KIAA1217: variants seen among roughly 807,000 people sequenced by gnomAD.
KIAA1217 encodes the protein KIAA1217.
KIAA1217 carries 88 observed loss-of-function variants against 163.9 expected under a neutral mutation model. That is an observed-to-expected ratio of 0.54 (90% CI 0.45 to 0.64). The LOEUF (loss-of-function observed/expected upper bound fraction) is 0.64, where lower values mean the gene tolerates loss of function less well. Ranked by LOEUF, KIAA1217 falls within the 30% of genes least tolerant of loss-of-function variation. The pLI, the probability that KIAA1217 is intolerant of heterozygous loss-of-function variation, is 0.00. For missense variants in KIAA1217, 2,372 were observed against 2,475.0 expected (o/e 0.96, Z 0.88); for synonymous variants, 903 against 923.1 (o/e 0.98, Z 0.39).
intron 1 of KIAA1217, among the ~76,000 whole-genome samples, chr10:23,802,853 A>G (rs1021031590): frequency 1.3e-5 from 2 of 152,186 alleles, no homozygotes; most frequent in Non-Finnish European, 2.9e-5. Flanking sequence ...GAGTAAGCAT[A>G]GTAACCATGA....
intron 3 of KIAA1217, among the ~76,000 whole-genome samples, chr10:24,403,908 A>G (rs2056864360): frequency 6.6e-6 from 1 of 152,206 alleles, no homozygotes; most frequent in South Asian, 2.1e-4. Context: ...TGCTGGTGGA[A>G]ATGTAAAATG....
At chr10:23,806,316 G>T (rs970724809) in intron 1 of KIAA1217, among the ~76,000 whole-genome samples, 1 of 152,076 alleles carries the variant, frequency 6.6e-6, no homozygotes, top group African/African-American at 2.4e-5. Flanking sequence ...AAAAGTGACG[G>T]ATTAACAAAT....
chr10:23,966,334 T>G (rs1845065838), intron 1 of KIAA1217, among the ~76,000 whole-genome samples: 1 of 151,986 alleles, frequency 6.6e-6, no homozygotes, highest in African/African-American at 2.4e-5. Flanking sequence ...AAAATGGGCG[T>G]GGGGGTAATG....
At chr10:23,899,911 CCT>C (rs1491300323) in intron 1 of KIAA1217, among the ~76,000 whole-genome samples, 1 of 150,996 alleles carries the variant, frequency 6.6e-6, no homozygotes, top group African/African-American at 2.4e-5. Flanking sequence ...TCTTTCTTTC[CCT>C]CTTTCTTTTC....
intron 3 of KIAA1217, among the ~76,000 whole-genome samples, chr10:24,384,825 C>T (rs2053799682): frequency 6.6e-6 from 1 of 152,200 alleles, no homozygotes; most frequent in African/African-American, 2.4e-5. Context: ...CGTGAGCCAC[C>T]ACACCCACCT....
At chr10:24,520,374 G>A (rs1432584011) in intron 11 of KIAA1217, 121 bp downstream of exon 11, 8 of 1,381,556 alleles carry the variant, frequency 5.8e-6, no homozygotes, top group African/African-American at 5.8e-5. Flanking sequence ...ACATGTGCCA[G>A]GCATTGTTCT....
At chr10:24,152,329 T>C (rs764427982) in intron 2 of KIAA1217, among the ~76,000 whole-genome samples, 1 of 152,214 alleles carries the variant, frequency 6.6e-6, no homozygotes, top group African/African-American at 2.4e-5. Context: ...GTAGTAAATA[T>C]CCACAGATAC....
rs1010511791 is a variant in KIAA1217, at chr10:24,476,958, C to T, written c.1679+2898C>T. Among the ~76,000 whole-genome samples, 7 of 152,258 alleles carry T rather than the reference C, an allele frequency of 4.6e-5. 1 individual carries two copies. The highest frequency in any genetic ancestry group is 4.2e-4 in the South Asian group (2 of 4,812). On this transcript the variant is annotated intron_variant, in intron 6 of 20. Coordinates refer to ENST00000376454, the MANE Select transcript of KIAA1217 (RefSeq NM_019590.5). ...ATTGCTGAAAGACCTAAACACTCCCCGCTAACTCCCCTCAGTCACATGTCA... is the reference window on the plus strand; with the variant it reads ...ATTGCTGAAAGACCTAAACACTCCCTGCTAACTCCCCTCAGTCACATGTCA...
intron 1 of KIAA1217, among the ~76,000 whole-genome samples, chr10:23,959,674 A>G (rs1485699944): frequency 6.6e-6 from 1 of 152,164 alleles, no homozygotes; most frequent in African/African-American, 2.4e-5. Flanking sequence ...TTTGATGAAG[A>G]GTGGACAGTC....
At chr10:24,052,845 T>A (rs563408150) in intron 2 of KIAA1217, among the ~76,000 whole-genome samples, 18 of 152,240 alleles carry the variant, frequency 1.2e-4, no homozygotes, top group African/African-American at 3.8e-4. Flanking sequence ...AGGAGCAAAT[T>A]ATCACGAGCC....
chr10:24,404,371 C>A (rs7081339), intron 3 of KIAA1217, among the ~76,000 whole-genome samples: 105,651 of 151,622 alleles, frequency 0.7, 37,191 homozygotes, highest in African/African-American at 0.76. Flanking sequence ...GATGGAGACC[C>A]TCCTGGCCAA....
At chr10:24,305,502 A>G (rs966772218) in intron 2 of KIAA1217, among the ~76,000 whole-genome samples, 1 of 152,116 alleles carries the variant, frequency 6.6e-6, no homozygotes, top group Non-Finnish European at 1.5e-5. Flanking sequence ...TTATTTCCTC[A>G]GTGGTTAGTT....
intron 2 of KIAA1217, among the ~76,000 whole-genome samples, chr10:24,186,771 T>A (rs2066452162): frequency 6.6e-6 from 1 of 152,094 alleles, no homozygotes; most frequent in Non-Finnish European, 1.5e-5. Context: ...GTGCCTGTAA[T>A]CCCAGCTATC....
chr10:23,969,658 T>C (rs1845220921), intron 1 of KIAA1217, among the ~76,000 whole-genome samples: 1 of 152,226 alleles, frequency 6.6e-6, no homozygotes, highest in Non-Finnish European at 1.5e-5. Flanking sequence ...CTGTAAGAGT[T>C]CTTTATATAT....
Position 24,528,321 on chromosome 10 carries a change from T to C in KIAA1217, c.3082+202T>C, listed in dbSNP as rs201866182. On this transcript the variant is annotated intron_variant, in intron 14 of 20. Transcript: ENST00000376454. Reference sequence around the variant, plus strand: ...TCTCTCTCTTTTTGTTTTTTTTTTTTGTTTTTTTTTTTGTTTTTGAAATGG... The same window carrying C: ...TCTCTCTCTTTTTGTTTTTTTTTTTCGTTTTTTTTTTTGTTTTTGAAATGG... Among the ~76,000 whole-genome samples the C allele has an allele frequency of 9.7e-3, 694 of 71,764 alleles. 19 individuals carry two copies. The highest frequency in any genetic ancestry group is 0.069 in the Admixed American group (552 of 7,986). The allele number at this position is 71,764 out of a possible 152,430, so 47.1% of individuals were successfully genotyped here.
chr10:23,797,186 G>A (rs1001786041), intron 1 of KIAA1217, among the ~76,000 whole-genome samples: 3 of 152,256 alleles, frequency 2.0e-5, no homozygotes, highest in South Asian at 2.1e-4. Flanking sequence ...TATTCCAGCT[G>A]TATCACCTTT....
intron 2 of KIAA1217, among the ~76,000 whole-genome samples, chr10:24,054,833 C>T (rs945621938): frequency 7.9e-5 from 12 of 152,060 alleles, no homozygotes; most frequent in African/African-American, 2.9e-4. Context: ...TGTAACACAA[C>T]GGTAAGTATC....
At chr10:24,049,759 A>G (rs1179210289) in intron 2 of KIAA1217, among the ~76,000 whole-genome samples, 3 of 152,228 alleles carry the variant, frequency 2.0e-5, no homozygotes, top group African/African-American at 7.2e-5. Context: ...ATAGTGCTGC[A>G]GTAAACATAC....
At chr10:23,852,780 G>A (rs1322147746) in intron 1 of KIAA1217, among the ~76,000 whole-genome samples, 4 of 152,130 alleles carry the variant, frequency 2.6e-5, no homozygotes, top group Admixed American at 2.6e-4. Context: ...TGAAGCAATT[G>A]TGAATGGGAG....
Sources: gnomAD v4.1 joint callset for allele counts (sites outside exome capture counted in the v4.1 genomes callset) on GRCh38, gnomAD v4.1.1 for gene constraint, MANE v1.5 for transcripts, NCBI Gene and HGNC (gene_info 2026-07-23, HGNC 2026-07-21) for gene names.